The following INTS4 variants were observed in gnomAD, a reference collection of about 807,000 sequenced individuals.
INTS4 encodes the protein MSTP093.
INTS4 carries 70 observed loss-of-function variants against 119.5 expected under a neutral mutation model. That is an observed-to-expected ratio of 0.59 (90% CI 0.48 to 0.71). The LOEUF is 0.71. Ranked by LOEUF, INTS4 falls within the 30% of genes least tolerant of loss-of-function variation. The probability of loss-of-function intolerance (pLI) is 0.00; values close to 1 mark genes in which losing one functional copy is unlikely to be tolerated. For missense variants in INTS4, 867 were observed against 1,173.2 expected, an observed-to-expected ratio of 0.74 and a Z score of 3.81; for synonymous variants, 316 against 419.6, an observed-to-expected ratio of 0.75 and a Z score of 3.02.
chr11:77,932,936 C>T (rs761290644), intron 10 of INTS4, among the ~76,000 whole-genome samples: 8 of 104,542 alleles, frequency 7.7e-5, no homozygotes, highest in Non-Finnish European at 3.8e-5. Flanking sequence ...GGTGGGGGGG[C>T]ATCACACACT....
chr11:77,926,170 T>G (rs1245197751), intron 11 of INTS4, among the ~76,000 whole-genome samples: 1 of 148,790 alleles, frequency 6.7e-6, no homozygotes, highest in East Asian at 2.0e-4. Flanking sequence ...CTAGGCAGGG[T>G]AGGATCTTGA....
At chr11:77,885,115 T>A (rs1289866187) in intron 21 of INTS4, among the ~76,000 whole-genome samples, 1 of 151,876 alleles carries the variant, frequency 6.6e-6, no homozygotes, top group Non-Finnish European at 1.5e-5. Context: ...TCTCACTCTG[T>A]CACACAAGCT....
At chr11:77,894,752 C>G (rs1591021060) in intron 18 of INTS4, among the ~76,000 whole-genome samples, 3 of 152,198 alleles carry the variant, frequency 2.0e-5, no homozygotes, top group Admixed American at 2.0e-4. Flanking sequence ...TCTCCTTGCA[C>G]ATGAGCTGTC....
At chr11:77,939,109 G>A (rs1202224099) in intron 9 of INTS4, among the ~76,000 whole-genome samples, 3 of 152,252 alleles carry the variant, frequency 2.0e-5, no homozygotes, top group Admixed American at 2.0e-4. Flanking sequence ...ATAGGAAAGA[G>A]AGAGCCAGAG....
chr11:77,938,301 AATT>A (rs1474884705), intron 10 of INTS4, among the ~76,000 whole-genome samples: 2 of 152,220 alleles, frequency 1.3e-5, no homozygotes, highest in Non-Finnish European at 2.9e-5. Context: ...TTTAATTACC[AATT>A]ATTAAGTGCT....
chr11:77,897,249 T>C (rs923056089), intron 18 of INTS4, among the ~76,000 whole-genome samples: 10 of 151,814 alleles, frequency 6.6e-5, no homozygotes, highest in African/African-American at 1.9e-4. Flanking sequence ...ATCCTAGCAC[T>C]TTGGGAGGCC....
intron 3 of INTS4, 79 bp from the exon 4 acceptor site, chr11:77,979,181 T>G (rs1374092618): frequency 1.2e-6 from 1 of 804,242 alleles, no homozygotes; most frequent in Non-Finnish European, 2.2e-6. Flanking sequence ...GGGTAAAGAA[T>G]GTAGATTGGC....
At chr11:77,934,128 A>G (rs111394504) in intron 10 of INTS4, among the ~76,000 whole-genome samples, 28,967 of 151,668 alleles carry the variant, frequency 0.19, 2,818 homozygotes, top group Middle Eastern at 0.23. Context: ...TGCTGTGTCC[A>G]CTCAGGGTTA....
chr11:77,950,280 G>A (rs1954157888), intron 8 of INTS4, among the ~76,000 whole-genome samples: 1 of 152,050 alleles, frequency 6.6e-6, no homozygotes, highest in South Asian at 2.1e-4. Flanking sequence ...ATAGGTTGAC[G>A]GGTGCAGCAA....
At chr11:77,908,110 A>T (rs1365324380) in intron 15 of INTS4, among the ~76,000 whole-genome samples, 3 of 152,228 alleles carry the variant, frequency 2.0e-5, no homozygotes, top group African/African-American at 4.8e-5. Flanking sequence ...TTCAACAGAA[A>T]TGAAATGCTT....
intron 8 of INTS4, among the ~76,000 whole-genome samples, chr11:77,941,747 CT>C (rs1953933996): frequency 6.6e-6 from 1 of 152,178 alleles, no homozygotes; most frequent in African/African-American, 2.4e-5. Context: ...CTCAGGTGAT[CT>C]GCCTACCTCG....
chr11:77,910,996 T>C (rs1953076367), intron 15 of INTS4: 6 of 1,289,032 alleles, frequency 4.7e-6, no homozygotes, highest in Non-Finnish European at 6.1e-6. Flanking sequence ...CTTGGGAAGC[T>C]GTCTGTTTCA....
At chr11:77,932,252 C>A (rs1953669473) in intron 10 of INTS4, among the ~76,000 whole-genome samples, 1 of 151,788 alleles carries the variant, frequency 6.6e-6, no homozygotes, top group Non-Finnish European at 1.5e-5. Flanking sequence ...AAAAACAAAA[C>A]AAAACAAAAC....
At chr11:77,978,740 G>GA (rs148185606) in intron 4 of INTS4, 6,221 of 206,924 alleles carry the variant, frequency 0.03, 156 homozygotes, top group Middle Eastern at 0.051. Context: ...AGGACCAAAT[G>GA]AAAAACTGAA....
chr11:77,932,042 T>TGA (rs1953662814), intron 10 of INTS4, among the ~76,000 whole-genome samples: 1 of 152,190 alleles, frequency 6.6e-6, no homozygotes. Flanking sequence ...AAAGACTTCA[T>TGA]GACTTAAACA....
chr11:77,928,423 C>A lies in INTS4; in HGVS notation c.1290G>T (p.Gln430His), dbSNP rs1201640073. Residue 430 changes from glutamine (Q) to histidine (H), a missense_variant, in exon 11 of 23, where the codon CAG becomes CAT. Around this residue, in one of 5 missense-constraint regions of INTS4, gnomAD observed 208 missense variants for 306.6 expected, o/e 0.68. Coordinates refer to ENST00000534064, the MANE Select transcript of INTS4 (RefSeq NM_033547.4). The part of the protein sequence containing the change: ...FNDEIEEVRL[Q>H]SIHTMRKISN... ...AGATTTTTCTCATGGTATGTATAGA[C>A]TGCAGACGTACTTCCTCAATTTCAT... 1 of 1,611,094 alleles carries A rather than the reference C, an allele frequency of 6.2e-7. No homozygotes were observed. The highest frequency in any genetic ancestry group is 8.5e-7 in the Non-Finnish European group (1 of 1,177,810).
At chr11:77,971,087 C>T (rs1026345140) in intron 4 of INTS4, among the ~76,000 whole-genome samples, 1 of 151,940 alleles carries the variant, frequency 6.6e-6, no homozygotes, top group African/African-American at 2.4e-5. Context: ...GGATTACAGG[C>T]GTGAGCCACA....
intron 15 of INTS4, chr11:77,911,019 C>A (rs1290987846): frequency 2.3e-6 from 3 of 1,289,062 alleles, no homozygotes; most frequent in Admixed American, 4.6e-5. Flanking sequence ...GCCGGCATAA[C>A]ACATCAGGTT....
intron 3 of INTS4, among the ~76,000 whole-genome samples, chr11:77,979,929 G>C (rs1393909013): frequency 1.5e-5 from 2 of 135,106 alleles, no homozygotes; most frequent in African/African-American, 5.6e-5. Flanking sequence ...AGTGAGCCGA[G>C]ATCGCTCCAC....
Sources: gnomAD v4.1 joint callset for allele counts (sites outside exome capture counted in the v4.1 genomes callset) on GRCh38, gnomAD v4.1.1 for gene constraint, gnomAD v4.1.1 regional missense constraint, MANE v1.5 for transcripts, NCBI Gene and HGNC (gene_info 2026-07-23, HGNC 2026-07-21) for gene names.